BUB1B: variants seen among roughly 807,000 people sequenced by gnomAD.
BUB1B encodes BUB1 mitotic checkpoint serine/threonine kinase B.
Under a neutral mutation model 137.7 loss-of-function variants are expected in BUB1B, and 86 were observed. The ratio of observed to expected loss-of-function variants is 0.62; its 90% CI spans 0.52 to 0.75. The LOEUF (loss-of-function observed/expected upper bound fraction) is 0.75, where lower values mean the gene tolerates loss of function less well. Ranked by LOEUF, BUB1B falls within the 30% of genes least tolerant of loss-of-function variation. The pLI, the probability that BUB1B is intolerant of heterozygous loss-of-function variation, is 0.00. For synonymous variants in BUB1B, 420 were observed against 417.9 expected (o/e 1.00, Z -0.06); for missense variants, 1,130 against 1,236.9 (o/e 0.91, Z 1.30).
chr15:40,206,061 G>A, intron 14 of BUB1B, 123 bp from the exon 15 acceptor site: 1 of 976,782 alleles, frequency 1.0e-6, no homozygotes, highest in South Asian at 1.4e-5. Context: ...TTTTATATTT[G>A]CCTAGATATT....
intron 2 of BUB1B, chr15:40,166,453 C>T: frequency 2.8e-6 from 1 of 358,438 alleles, no homozygotes; most frequent in Non-Finnish European, 5.3e-6. Flanking sequence ...CAATCTCCTG[C>T]CTCAGCCTCC....
At chr15:40,208,301 G>A (rs2037662590) in intron 15 of BUB1B, among the ~76,000 whole-genome samples, 2 of 152,174 alleles carry the variant, frequency 1.3e-5, no homozygotes, top group Admixed American at 1.3e-4. Flanking sequence ...ACTTTAGGAG[G>A]CTGAGACGGG....
chr15:40,171,356 A>G (rs1297891438), intron 4 of BUB1B, among the ~76,000 whole-genome samples: 3 of 152,066 alleles, frequency 2.0e-5, no homozygotes, highest in Non-Finnish European at 2.9e-5. Context: ...AAGACTAGTC[A>G]GGGCAAAATT....
At chr15:40,198,239 G>GTTTTTTTTTTTTGTT (rs1555382907) in intron 9 of BUB1B, among the ~76,000 whole-genome samples, 36 of 146,088 alleles carry the variant, frequency 2.5e-4, no homozygotes, top group African/African-American at 9.0e-4. Flanking sequence ...TTTCTATTGT[G>GTTTTTTTTTTTTGTT]TTTTTTTTTT....
intron 4 of BUB1B, 44 bp from the exon 5 acceptor site, chr15:40,176,433 A>T: frequency 6.4e-7 from 1 of 1,565,842 alleles, no homozygotes; most frequent in Non-Finnish European, 8.8e-7. Flanking sequence ...TAGGCATTCA[A>T]TACGTGAGTA....
chr15:40,207,620 T>C (rs1445957145), intron 15 of BUB1B, among the ~76,000 whole-genome samples: 1 of 152,136 alleles, frequency 6.6e-6, no homozygotes, highest in Non-Finnish European at 1.5e-5. Flanking sequence ...TTATGGAATA[T>C]AGAGTAGATA....
intron 10 of BUB1B, 162 bp from the exon 11 acceptor site, chr15:40,200,082 T>C: frequency 1.5e-6 from 1 of 682,122 alleles, no homozygotes; most frequent in African/African-American, 1.8e-5. Flanking sequence ...AGTACTGGTT[T>C]AGAGTAGGAA....
chr15:40,213,702 A>G (rs1168141921), intron 20 of BUB1B, among the ~76,000 whole-genome samples: 1 of 151,922 alleles, frequency 6.6e-6, no homozygotes, highest in Non-Finnish European at 1.5e-5. Flanking sequence ...CACCTGGCTA[A>G]TTTTTTGTAT....
intron 8 of BUB1B, among the ~76,000 whole-genome samples, chr15:40,195,268 A>G (rs922648553): frequency 1.3e-5 from 2 of 152,178 alleles, no homozygotes; most frequent in African/African-American, 2.4e-5. Context: ...GTCACTTAGA[A>G]TAATGGTCTC....
chr15:40,161,707 C>A (rs579072), intron 1 of BUB1B, among the ~76,000 whole-genome samples: 201 of 152,318 alleles, frequency 1.3e-3, no homozygotes, highest in African/African-American at 4.7e-3. Context: ...GCACAGAGAT[C>A]TGAAAGCCTT....
At chr15:40,169,609 C>CTTTTTTTTTTTTTTT (rs893767898) in intron 2 of BUB1B, among the ~76,000 whole-genome samples, 1 of 96,950 alleles carries the variant, frequency 1.0e-5, no homozygotes, top group Non-Finnish European at 2.1e-5. Flanking sequence ...TATTTCTATT[C>CTTTTTTTTTTTTTTT]TTTTTTTTTT....
intron 8 of BUB1B, 71 bp from the exon 9 acceptor site, chr15:40,196,474 G>T: frequency 1.5e-6 from 2 of 1,362,678 alleles, no homozygotes; most frequent in Non-Finnish European, 2.1e-6. Flanking sequence ...ATTATTTTTA[G>T]CTTCTTTTAT....
At chr15:40,202,803 G>T in intron 14 of BUB1B, 109 bp downstream of exon 14, 1 of 947,760 alleles carries the variant, frequency 1.1e-6, no homozygotes, top group Admixed American at 1.8e-5. Context: ...TTAAGCACAT[G>T]AAAAGATGCT....
intron 5 of BUB1B, among the ~76,000 whole-genome samples, chr15:40,178,271 T>C (rs2037244969): frequency 6.6e-6 from 1 of 152,084 alleles, no homozygotes; most frequent in Admixed American, 6.5e-5. Flanking sequence ...GTATTTTCAT[T>C]TTAATTTAGT....
chr15:40,212,852 G>A (rs996467486), intron 19 of BUB1B, among the ~76,000 whole-genome samples: 1 of 152,024 alleles, frequency 6.6e-6, no homozygotes, highest in South Asian at 2.1e-4. Flanking sequence ...CCGTTGTCAA[G>A]CATAAATAAA....
chr15:40,214,375 A>G (rs1174223076), intron 20 of BUB1B, among the ~76,000 whole-genome samples: 4 of 152,238 alleles, frequency 2.6e-5, no homozygotes, highest in Admixed American at 2.6e-4. Flanking sequence ...AAACAGTCCA[A>G]CATTTTTGCT....
chr15:40,218,006 G>C (rs1008294895), intron 21 of BUB1B, among the ~76,000 whole-genome samples: 2 of 152,204 alleles, frequency 1.3e-5, no homozygotes, highest in Non-Finnish European at 2.9e-5. Flanking sequence ...TTGTTATGAG[G>C]AGTAAATGAA....
At chr15:40,210,243 T>G (rs1358788150) in intron 18 of BUB1B, 33 bp downstream of exon 18, 2 of 1,478,050 alleles carry the variant, frequency 1.4e-6, no homozygotes, top group Non-Finnish European at 9.5e-7. Context: ...TCAGTTACTT[T>G]GTAAATAATA....
At chr15:40,171,208 A>G (rs183853577) in intron 4 of BUB1B, among the ~76,000 whole-genome samples, 104 of 152,038 alleles carry the variant, frequency 6.8e-4, no homozygotes, top group African/African-American at 2.4e-3. Flanking sequence ...AAGTGCTGGG[A>G]TTATAGGCGT....
Sources: gnomAD v4.1 joint callset for allele counts (sites outside exome capture counted in the v4.1 genomes callset) on GRCh38, gnomAD v4.1.1 for gene constraint, MANE v1.5 for transcripts, NCBI Gene and HGNC (gene_info 2026-07-23, HGNC 2026-07-21) for gene names.